Variants in CSE1L observed in about 807,000 individuals in gnomAD.
CSE1L encodes chromosome segregation 1 like, also known as exportin-2.
Under a neutral mutation model 120.4 loss-of-function variants are expected in CSE1L, and 24 were observed. That is an observed-to-expected ratio of 0.20 (90% CI 0.14 to 0.28). The LOEUF (loss-of-function observed/expected upper bound fraction) is 0.28, where lower values mean the gene tolerates loss of function less well. Ranked by LOEUF, CSE1L falls within the 10% of genes least tolerant of loss-of-function variation. CSE1L has a pLI of 1.00. For missense variants in CSE1L, 830 were observed against 1,145.2 expected (o/e 0.72, Z 3.97); for synonymous variants, 402 against 398.3 (o/e 1.01, Z -0.11).
intron 20 of CSE1L, 47 bp downstream of exon 20, chr20:49,090,886 G>A: frequency 1.3e-6 from 2 of 1,599,236 alleles, no homozygotes; most frequent in South Asian, 2.2e-5. Context: ...ATTTTGTTAG[G>A]TGCTCAGAAA....
chr20:49,065,035 G>C (rs2091880198), intron 3 of CSE1L, among the ~76,000 whole-genome samples: 1 of 151,206 alleles, frequency 6.6e-6, no homozygotes, highest in South Asian at 2.1e-4. Flanking sequence ...TGTGTGGTGT[G>C]CATCTGTGGT....
chr20:49,094,001 G>T, intron 22 of CSE1L, 139 bp from the exon 23 acceptor site: 1 of 589,726 alleles, frequency 1.7e-6, no homozygotes. Flanking sequence ...TTGACTTTCA[G>T]TCTCTTCAGA....
intron 1 of CSE1L, among the ~76,000 whole-genome samples, chr20:49,047,761 T>A (rs2091731034): frequency 6.6e-6 from 1 of 151,856 alleles, no homozygotes; most frequent in African/African-American, 2.4e-5. Context: ...ATTTTTGTAT[T>A]TTTATTAGAG....
intron 6 of CSE1L, 131 bp from the exon 7 acceptor site, chr20:49,068,584 G>A: frequency 1.6e-6 from 1 of 626,958 alleles, no homozygotes; most frequent in Non-Finnish European, 2.8e-6. Context: ...GGACGACAGA[G>A]CAAGACTCCG....
At chr20:49,067,312 T>A in intron 6 of CSE1L, 32 bp downstream of exon 6, 1 of 1,352,858 alleles carries the variant, frequency 7.4e-7, no homozygotes, top group Non-Finnish European at 1.0e-6. Flanking sequence ...TATTTTTAAA[T>A]TAATATTTTA....
At chr20:49,066,714 G>C (rs1006849801) in intron 5 of CSE1L, among the ~76,000 whole-genome samples, 5 of 151,872 alleles carry the variant, frequency 3.3e-5, no homozygotes, top group African/African-American at 1.2e-4. Flanking sequence ...ACTTAGTCTT[G>C]ATAAACTGCT....
chr20:49,085,155 A>G (rs1270771922), intron 15 of CSE1L, 128 bp from the exon 16 acceptor site: 25 of 695,138 alleles, frequency 3.6e-5, no homozygotes, highest in Admixed American at 3.2e-4. Context: ...TAAACTGTCT[A>G]TCAATTGTCA....
At chr20:49,087,937 T>C (rs1311001925) in intron 16 of CSE1L, 72 bp from the exon 17 acceptor site, 3 of 1,001,258 alleles carry the variant, frequency 3.0e-6, no homozygotes, top group Non-Finnish European at 4.5e-6. Flanking sequence ...TGCGCTTTTT[T>C]CCCCCCAGTC....
At chr20:49,088,821 G>A (rs2092079491) in intron 17 of CSE1L, among the ~76,000 whole-genome samples, 1 of 152,108 alleles carries the variant, frequency 6.6e-6, no homozygotes, top group Non-Finnish European at 1.5e-5. Flanking sequence ...AGATTTGTAT[G>A]CTAGTAGCCT....
At chr20:49,093,114 C>T (rs943049691) in intron 22 of CSE1L, among the ~76,000 whole-genome samples, 9 of 152,112 alleles carry the variant, frequency 5.9e-5, no homozygotes, top group African/African-American at 1.9e-4. Context: ...AGTTATGTCT[C>T]AAAAATTCTA....
At chr20:49,089,834 A>G in intron 19 of CSE1L, 88 bp downstream of exon 19, 1 of 1,298,264 alleles carries the variant, frequency 7.7e-7, no homozygotes. Flanking sequence ...TTTATTTAAA[A>G]TAAATTTAAG....
intron 1 of CSE1L, among the ~76,000 whole-genome samples, chr20:49,047,260 T>C (rs1032094927): frequency 1.3e-5 from 2 of 152,098 alleles, no homozygotes; most frequent in Non-Finnish European, 2.9e-5. Flanking sequence ...AATAACAGAA[T>C]CTACCTCGGA....
chr20:49,065,586 ATTTTT>A (rs1169151375), intron 3 of CSE1L, among the ~76,000 whole-genome samples: 4 of 76,322 alleles, frequency 5.2e-5, no homozygotes, highest in Admixed American at 1.8e-4. Flanking sequence ...TAAAATGGAA[ATTTTT>A]TTTTTTTTTT....
chr20:49,076,273 C>T lies in CSE1L; in HGVS notation c.1336-707C>T, dbSNP rs149634057. On this transcript the variant is annotated intron_variant, in intron 12 of 24. Coordinates refer to ENST00000262982, the MANE Select transcript of CSE1L (RefSeq NM_001316.4). ...CACGATCTTGGCTCACCGCAACCTC[C>T]GTTTGCCGGGTTCAAGTGATTCTCC... Among the ~76,000 whole-genome samples the T allele has an allele frequency of 1.8e-3, 270 of 152,254 alleles. 1 individual carries two copies. The highest frequency in any genetic ancestry group is 6.2e-3 in the African/African-American group (259 of 41,542).
At chr20:49,085,148 A>C in intron 15 of CSE1L, 135 bp from the exon 16 acceptor site, 1 of 670,682 alleles carries the variant, frequency 1.5e-6, no homozygotes, top group Non-Finnish European at 2.6e-6. Flanking sequence ...ATTTTCCTAA[A>C]CTGTCTATCA....
chr20:49,076,526 T>C (rs1441507056), intron 12 of CSE1L, among the ~76,000 whole-genome samples: 53 of 127,168 alleles, frequency 4.2e-4, no homozygotes, highest in African/African-American at 1.4e-3. Context: ...CTCTCTTTTT[T>C]TTTTTTTTTT....
intron 17 of CSE1L, 26 bp downstream of exon 17, chr20:49,088,132 G>T: frequency 6.6e-7 from 1 of 1,510,500 alleles, no homozygotes; most frequent in East Asian, 2.3e-5. Context: ...TTGAAAGTGG[G>T]GTTCCTTTTT....
chr20:49,062,475 A>G (rs1278703015), intron 2 of CSE1L, among the ~76,000 whole-genome samples: 1 of 152,200 alleles, frequency 6.6e-6, no homozygotes, highest in African/African-American at 2.4e-5. Flanking sequence ...CCAGAATGTA[A>G]TCTGGGTTGA....
chr20:49,080,719 G>A (rs1037429527), intron 14 of CSE1L, among the ~76,000 whole-genome samples: 10 of 151,986 alleles, frequency 6.6e-5, no homozygotes, highest in Non-Finnish European at 1.5e-4. Context: ...CAGGCGATCC[G>A]CCTGCCTCGG....
Sources: allele counts gnomAD v4.1 joint callset (sites outside exome capture counted in the v4.1 genomes callset), GRCh38; gene constraint gnomAD v4.1.1; transcripts MANE v1.5; gene names NCBI Gene and HGNC (gene_info 2026-07-23, HGNC 2026-07-21).